Variants in GRIK2 observed in about 807,000 individuals in gnomAD.
The protein encoded by GRIK2 is glutamate receptor ionotropic, kainate 2.
A neutral mutation model predicts 100.3 loss-of-function variants in GRIK2; 32 were observed. The observed-to-expected ratio is 0.32, with a 90% CI of 0.24 to 0.43. The LOEUF is 0.43. GRIK2 is among the 20% of genes least tolerant of loss of function. GRIK2 has a pLI of 1.00. For synonymous variants in GRIK2, 417 were observed against 389.4 expected, an observed-to-expected ratio of 1.07 and a Z score of -0.83; for missense variants, 843 against 1,114.9, an observed-to-expected ratio of 0.76 and a Z score of 3.47.
At chr6:101,686,011 A>G (rs1033184031) in intron 6 of GRIK2, among the ~76,000 whole-genome samples, 169 bp from the exon 7 acceptor site, 2 of 152,110 alleles carry the variant, frequency 1.3e-5, no homozygotes, top group African/African-American at 4.8e-5. Context: ...CTGCAATGCC[A>G]AAGCATGAGG....
chr6:101,770,160 C>T (rs186792050), intron 7 of GRIK2, among the ~76,000 whole-genome samples: 15 of 152,242 alleles, frequency 9.9e-5, no homozygotes, highest in African/African-American at 3.1e-4. Context: ...ACAAGTCTAT[C>T]GTTACTGCCT....
intron 14 of GRIK2, among the ~76,000 whole-genome samples, chr6:101,962,090 C>T (rs182448337): frequency 6.6e-6 from 1 of 152,242 alleles, no homozygotes; most frequent in East Asian, 1.9e-4. Flanking sequence ...AGCAGTATGA[C>T]ACAGGGGTGA....
chr6:101,655,051 C>T (rs370766591), intron 4 of GRIK2, among the ~76,000 whole-genome samples: 1 of 152,152 alleles, frequency 6.6e-6, no homozygotes, highest in Non-Finnish European at 1.5e-5. Context: ...ATCAGTGATT[C>T]TTCTAGTTCT....
intron 4 of GRIK2, among the ~76,000 whole-genome samples, chr6:101,664,599 T>C (rs572222821): frequency 2.5e-4 from 38 of 152,334 alleles, no homozygotes; most frequent in African/African-American, 9.1e-4. Flanking sequence ...TGCTTACTTT[T>C]TGATAATGGC....
chr6:101,557,281 A>G (rs866420004), intron 2 of GRIK2, among the ~76,000 whole-genome samples: 47 of 152,172 alleles, frequency 3.1e-4, no homozygotes, highest in African/African-American at 8.7e-4. Context: ...GATAAATTTG[A>G]CTCTCAATCA....
At chr6:101,740,059 G>T (rs1310937999) in intron 7 of GRIK2, among the ~76,000 whole-genome samples, 1 of 152,192 alleles carries the variant, frequency 6.6e-6, no homozygotes, top group Non-Finnish European at 1.5e-5. Flanking sequence ...ATATGGTGGA[G>T]AAAGGGAAAG....
chr6:101,404,668 C>G (rs1775504082), intron 2 of GRIK2, among the ~76,000 whole-genome samples: 1 of 152,154 alleles, frequency 6.6e-6, no homozygotes, highest in Non-Finnish European at 1.5e-5. Context: ...CCTGATTTTC[C>G]TCAGTAGGAT....
At chr6:102,016,927 C>T (rs1462522366) in intron 14 of GRIK2, among the ~76,000 whole-genome samples, 2 of 152,090 alleles carry the variant, frequency 1.3e-5, no homozygotes, top group Non-Finnish European at 2.9e-5. Flanking sequence ...CAGTGGACAC[C>T]TCAGCAGAAA....
rs536454423 is a variant in GRIK2 at position 101,482,881 on chromosome 6, A to G, written c.115+83489A>G. On this transcript the variant is annotated intron_variant, in intron 2 of 16. Coordinates refer to ENST00000369134, the MANE Select transcript of GRIK2 (RefSeq NM_021956.5). ...GCCAAACTGCCCAGTGTGGATCCCC[A>G]TCTTTTGCAACCCATTTCACAGTGT... 4.6e-5 allele frequency among the ~76,000 whole-genome samples: 7 copies of G among 152,214 alleles called. No homozygotes were observed. In the South Asian group the frequency reaches 1.2e-3, roughly 27 times the overall value.
At chr6:101,818,599 C>T (rs1469995443) in intron 10 of GRIK2, 116 bp downstream of exon 10, 3 of 636,226 alleles carry the variant, frequency 4.7e-6, no homozygotes, top group East Asian at 5.5e-5. Context: ...AGTTATTTAG[C>T]AATTACTGTA....
chr6:101,965,856 ATAATC>A (rs1437189919), intron 14 of GRIK2, among the ~76,000 whole-genome samples: 1 of 152,136 alleles, frequency 6.6e-6, no homozygotes, highest in Non-Finnish European at 1.5e-5. Flanking sequence ...ATTTGATAAA[ATAATC>A]CTTGTCTGTA....
At chr6:101,552,382 T>C (rs1776552043) in intron 2 of GRIK2, among the ~76,000 whole-genome samples, 1 of 152,166 alleles carries the variant, frequency 6.6e-6, no homozygotes, top group Non-Finnish European at 1.5e-5. Flanking sequence ...TCCTTGCTTT[T>C]TTCCAGCTGG....
At chr6:101,975,031 T>C (rs1463215684) in intron 14 of GRIK2, among the ~76,000 whole-genome samples, 2 of 151,980 alleles carry the variant, frequency 1.3e-5, no homozygotes, top group African/African-American at 2.4e-5. Context: ...AAAAGAATAG[T>C]GCTGATTATT....
At position 101,621,456 on chromosome 6, in the gene GRIK2, GA is replaced by G. The variant is rs1254161072; in HGVS notation, c.116-485del. On this transcript the variant is annotated intron_variant, in intron 2 of 16. Coordinates refer to ENST00000369134, the MANE Select transcript of GRIK2 (RefSeq NM_021956.5). ...GCAAGTGAGTGACTGTCTTAAAAAA[GA>G]AAAAAAATTGTTTAAAAGAATTTTG... is the stretch of plus-strand genomic sequence containing the variant. Among the ~76,000 whole-genome samples, 4 of 151,474 alleles carry G rather than the reference GA, an allele frequency of 2.6e-5. No individual in the cohort carries two copies. In the East Asian group the frequency reaches 7.8e-4, roughly 30 times the overall value.
rs193226560 is a variant in GRIK2 at position 101,802,466 on chromosome 6, T to C, written c.1203+28T>C. On this transcript the variant is annotated intron_variant, in intron 9 of 16. Transcript: ENST00000369134. ...ATTTCAGTGAGCTTATTTGCTTTAATTACTAAATGAAACATATCTCAAAGA... is the reference window on the plus strand; with the variant it reads ...ATTTCAGTGAGCTTATTTGCTTTAACTACTAAATGAAACATATCTCAAAGA... The C allele has an allele frequency of 2.9e-3, 2,777 of 961,750 alleles. 6 individuals carry two copies. Among genetic ancestry groups the C allele is most frequent in the Non-Finnish European group, 3.4e-3 (2,143 of 627,372 alleles). 59.6% of individuals were successfully genotyped at this position (961,750 alleles called of 1,614,324 possible). A position where few individuals can be genotyped will look rare whatever the true frequency, so the allele number is the denominator to read the frequency against.
intron 14 of GRIK2, among the ~76,000 whole-genome samples, chr6:101,931,083 T>A (rs1243905208): frequency 2.0e-5 from 3 of 152,122 alleles, no homozygotes; most frequent in African/African-American, 7.2e-5. Context: ...AAGACTACAT[T>A]AAATGTTGAT....
chr6:101,897,268 T>C (rs971535370), intron 12 of GRIK2, among the ~76,000 whole-genome samples: 2 of 151,724 alleles, frequency 1.3e-5, no homozygotes, highest in African/African-American at 2.4e-5. Flanking sequence ...CCAGAATAAA[T>C]ATTTTTTTGA....
chr6:101,963,006 G>A (rs1029789365), intron 14 of GRIK2, among the ~76,000 whole-genome samples: 5 of 151,086 alleles, frequency 3.3e-5, no homozygotes, highest in African/African-American at 1.2e-4. Flanking sequence ...AATCCAGTGT[G>A]ATAAACTGCC....
At chr6:101,627,370 G>C (rs970349605) in intron 4 of GRIK2, among the ~76,000 whole-genome samples, 38 of 152,056 alleles carry the variant, frequency 2.5e-4, no homozygotes, top group African/African-American at 8.9e-4. Context: ...TCGAACTCCT[G>C]ACCTTAAAAG....
Sources: gnomAD v4.1 joint callset for allele counts (sites outside exome capture counted in the v4.1 genomes callset) on GRCh38, gnomAD v4.1.1 for gene constraint, MANE v1.5 for transcripts, NCBI Gene and HGNC (gene_info 2026-07-23, HGNC 2026-07-21) for gene names.